UBAP2L: variants seen among roughly 807,000 people sequenced by gnomAD.
UBAP2L encodes ubiquitin associated protein 2 like.
A neutral mutation model predicts 130.6 loss-of-function variants in UBAP2L; 12 were observed. The observed-to-expected ratio is 0.09, with a 90% CI of 0.06 to 0.15. The LOEUF (loss-of-function observed/expected upper bound fraction) is 0.15. UBAP2L is among the 10% of genes least tolerant of loss of function. UBAP2L has a pLI of 1.00. For synonymous variants in UBAP2L, 503 were observed against 524.7 expected, an observed-to-expected ratio of 0.96 and a Z score of 0.57; for missense variants, 965 against 1,332.5, an observed-to-expected ratio of 0.72 and a Z score of 4.29.
At chr1:154,269,287 C>T (rs1056010687) in intron 26 of UBAP2L, 6 of 1,331,054 alleles carry the variant, frequency 4.5e-6, no homozygotes, top group Non-Finnish European at 3.1e-6. Context: ...GACATTTTAG[C>T]TTTCCCTTCT....
At chr1:154,266,382 C>G (rs1181694235) in intron 24 of UBAP2L, 119 bp from the exon 25 acceptor site, 2 of 1,087,872 alleles carry the variant, frequency 1.8e-6, no homozygotes, top group Non-Finnish European at 2.8e-6. Flanking sequence ...AGCTGGAAAA[C>G]CGACCAAAAT....
intron 3 of UBAP2L, among the ~76,000 whole-genome samples, chr1:154,228,321 A>G (rs1040603370): frequency 1.3e-5 from 2 of 151,890 alleles, no homozygotes; most frequent in Admixed American, 6.6e-5. Flanking sequence ...CCAAGTAGCT[A>G]GGATTACAGG....
At chr1:154,235,658 C>T (rs992420257) in intron 6 of UBAP2L, among the ~76,000 whole-genome samples, 10 of 152,168 alleles carry the variant, frequency 6.6e-5, no homozygotes, top group African/African-American at 2.2e-4. Context: ...TACAAGCGTG[C>T]GTCACTACGC....
chr1:154,261,710 T>C lies in UBAP2L; in HGVS notation c.2902+13T>C. The C allele has an allele frequency of 6.2e-6, 10 of 1,612,698 alleles. No individual in the cohort carries two copies. Among genetic ancestry groups the C allele is most frequent in the Non-Finnish European group, 8.5e-6 (10 of 1,178,770 alleles). ...GGATACAACACTGGTAAGCTGACCT[T>C]GTCTCTGGCTCGGTGTTATCTGTGG... On this transcript the variant is annotated intron_variant, in intron 24 of 26. Transcript: ENST00000428931.
At chr1:154,269,655 T>G in intron 26 of UBAP2L, 1 of 346,676 alleles carries the variant, frequency 2.9e-6, no homozygotes, top group Non-Finnish European at 5.7e-6. Flanking sequence ...AAAAGATTCT[T>G]GGGGCAGCAT....
chr1:154,266,477 C>T (rs1179114410), intron 24 of UBAP2L, 24 bp from the exon 25 acceptor site: 1 of 1,613,370 alleles, frequency 6.2e-7, no homozygotes, highest in Non-Finnish European at 8.5e-7. Context: ...AGCTAATCCT[C>T]CTGTCTGTTT....
At chr1:154,256,406 G>A (rs1679669566) in intron 18 of UBAP2L, among the ~76,000 whole-genome samples, 1 of 152,188 alleles carries the variant, frequency 6.6e-6, no homozygotes, top group South Asian at 2.1e-4. Flanking sequence ...GGAGGCCAAG[G>A]CAGGAGGATT....
chr1:154,270,348 G>T lies in UBAP2L; in HGVS notation c.*53G>T. ...TCTTCTGAGAGGGCTTCTCAGCCTG[G>T]AAACTATGGAAACAGCATCAAAGAG... On this transcript the variant is annotated 3_prime_UTR_variant, in exon 27 of 27. Coordinates refer to ENST00000428931, the MANE Select transcript of UBAP2L (RefSeq NM_014847.4). 1 of 1,611,146 alleles carries T rather than the reference G, an allele frequency of 6.2e-7. No individual in the cohort carries two copies. Among genetic ancestry groups the T allele is most frequent in the East Asian group, 2.2e-5 (1 of 44,812 alleles).
intron 8 of UBAP2L, among the ~76,000 whole-genome samples, chr1:154,238,377 T>TTA (rs1672368311): frequency 6.6e-6 from 1 of 152,214 alleles, no homozygotes; most frequent in Non-Finnish European, 1.5e-5. Context: ...GTAGAGGCAG[T>TTA]GGTAGCAGTC....
rs559029721 is a variant in UBAP2L, at chr1:154,251,174, T to A, written c.1347T>A (p.Pro449=). The change falls in exon 13 of 27, where the codon CCT becomes CCA. Residue 449 remains proline (P), a synonymous_variant. Coordinates refer to ENST00000428931, the MANE Select transcript of UBAP2L (RefSeq NM_014847.4). ...CAGTGGCTACCTCCACAGCTGCACC[T>A]CCACCTCCGTCTTCTCCTCTGCCAA... ...SPAVATSTAA[P]PPPSSPLPSK... 7.6e-5 allele frequency: 123 copies of A among 1,614,130 alleles called. No homozygotes were observed. The South Asian group carries it at 1.3e-3, about 17-fold the overall frequency.
chr1:154,268,900 C>A lies in UBAP2L; in HGVS notation c.3114C>A (p.Pro1038=). The A allele has an allele frequency of 6.2e-7, 1 of 1,613,878 alleles. No individual in the cohort carries two copies. Among genetic ancestry groups the A allele is most frequent in the Non-Finnish European group, 8.5e-7 (1 of 1,179,978 alleles). ...PPAPFMHILT[P]HQQPHSQILH... ...CCCCCTTTATGCACATTCTGACCCCCCATCAGCAGCCGCATTCTCAGATCC... is the reference window on the plus strand; with the variant it reads ...CCCCCTTTATGCACATTCTGACCCCACATCAGCAGCCGCATTCTCAGATCC... Residue 1038 remains proline, a synonymous_variant, in exon 26 of 27, where the codon CCC becomes CCA. Coordinates refer to ENST00000428931, the MANE Select transcript of UBAP2L (RefSeq NM_014847.4).
At chr1:154,253,383 ATT>A (rs1173992099) in intron 14 of UBAP2L, among the ~76,000 whole-genome samples, 36 of 123,690 alleles carry the variant, frequency 2.9e-4, no homozygotes, top group Admixed American at 4.2e-4. Flanking sequence ...TGTTTTTAAG[ATT>A]TTTTTTTTTT....
chr1:154,249,189 G>A (rs765564066), intron 11 of UBAP2L, 50 bp from the exon 12 acceptor site: 3 of 1,594,336 alleles, frequency 1.9e-6, no homozygotes, highest in Non-Finnish European at 2.6e-6. Context: ...ATGAGTAGCT[G>A]AACAAGGTTA....
intron 24 of UBAP2L, among the ~76,000 whole-genome samples, chr1:154,262,361 A>G (rs886899396): frequency 6.6e-6 from 1 of 152,190 alleles, no homozygotes; most frequent in Admixed American, 6.5e-5. Context: ...TACCTAAAAG[A>G]TACTCAGCCT....
chr1:154,257,956 G>A (rs1423269992), intron 20 of UBAP2L: 1 of 154,356 alleles, frequency 6.5e-6, no homozygotes, highest in Non-Finnish European at 1.4e-5. Context: ...TGGTTTCTTA[G>A]ATAATTATGA....
In UBAP2L at chr1:154,225,999, A is replaced by G. The variant is rs574403480; in HGVS notation, c.90+786A>G. Among the ~76,000 whole-genome samples the G allele has an allele frequency of 6.6e-5, 10 of 152,300 alleles. No homozygotes were observed. In the South Asian group the frequency reaches 2.1e-3, roughly 32 times the overall value. ...CAGCTAATTTTTGTATTTTTAGTAGAGACAGGGTTTCACCGTGTTGGTCAG... is the reference window on the plus strand; with the variant it reads ...CAGCTAATTTTTGTATTTTTAGTAGGGACAGGGTTTCACCGTGTTGGTCAG... On this transcript the variant is annotated intron_variant, in intron 2 of 26. Coordinates refer to ENST00000428931, the MANE Select transcript of UBAP2L (RefSeq NM_014847.4).
In UBAP2L at chr1:154,225,966, A is replaced by G. The variant is rs563509872; in HGVS notation, c.90+753A>G. 1.2e-4 allele frequency among the ~76,000 whole-genome samples: 18 copies of G among 152,282 alleles called. No individual in the cohort carries two copies. The South Asian group carries it at 2.5e-3, about 21-fold the overall frequency. Reference sequence around the variant, plus strand: ...GTAGCTGGGATTACAGGAGTGTGCTACCATGCCCAGCTAATTTTTGTATTT... The same window carrying G: ...GTAGCTGGGATTACAGGAGTGTGCTGCCATGCCCAGCTAATTTTTGTATTT... On this transcript the variant is annotated intron_variant, in intron 2 of 26. Transcript: ENST00000428931.
At chr1:154,267,521 T>C (rs933266989) in intron 25 of UBAP2L, among the ~76,000 whole-genome samples, 1 of 151,384 alleles carries the variant, frequency 6.6e-6, no homozygotes, top group African/African-American at 2.4e-5. Context: ...TTTTTTTTTT[T>C]TGGAGACAGT....
rs1665692604 is a variant in UBAP2L, at chr1:154,220,985, G to A, written c.-41+10G>A. The A allele has an allele frequency of 3.2e-5, 6 of 187,014 alleles. 1 individual carries two copies. In the South Asian group the frequency reaches 4.3e-4, roughly 13 times the overall value. The allele number at this position is 187,014 out of a possible 1,614,324, so 11.6% of individuals were successfully genotyped here. A position where few individuals can be genotyped will look rare whatever the true frequency, so the allele number is the denominator to read the frequency against. The stretch of plus-strand genomic sequence containing the variant: ...TGTGGAGGAGACTGAGGTAAAGTTG[G>A]GAGCGCAGCGGCGTTGGCGGCGGCG... On this transcript the variant is annotated intron_variant, in intron 1 of 26. Transcript: ENST00000428931.
Sources: allele counts gnomAD v4.1 joint callset (sites outside exome capture counted in the v4.1 genomes callset), GRCh38; gene constraint gnomAD v4.1.1; transcripts MANE v1.5; gene names NCBI Gene and HGNC (gene_info 2026-07-23, HGNC 2026-07-21).